Variants in HMCN1 observed in about 807,000 individuals in gnomAD.
The protein encoded by HMCN1 is hemicentin 1.
Under a neutral mutation model 625.9 loss-of-function variants are expected in HMCN1, and 321 were observed. The ratio of observed to expected loss-of-function variants is 0.51; its 90% CI spans 0.47 to 0.56. The LOEUF is 0.56. Among genes scored for constraint, HMCN1 ranks in the 20% least tolerant of loss-of-function variants. The probability of loss-of-function intolerance (pLI) is 0.00; values close to 1 mark genes in which losing one functional copy is unlikely to be tolerated. For synonymous variants in HMCN1, 2,425 were observed against 2,417.6 expected (o/e 1.00, Z -0.09); for missense variants, 6,588 against 6,887.3 (o/e 0.96, Z 1.54).
intron 6 of HMCN1, among the ~76,000 whole-genome samples, chr1:185,919,640 A>G (rs955652642): frequency 2.0e-5 from 3 of 152,282 alleles, no homozygotes; most frequent in African/African-American, 7.2e-5. Flanking sequence ...ATATTTCAAC[A>G]TTTACCCTCA....
chr1:185,921,136 T>C (rs1243358808), intron 6 of HMCN1, among the ~76,000 whole-genome samples: 2 of 152,084 alleles, frequency 1.3e-5, no homozygotes, highest in Non-Finnish European at 2.9e-5. Flanking sequence ...ATAAGGGTTG[T>C]ACTAAGATCC....
intron 11 of HMCN1, among the ~76,000 whole-genome samples, chr1:185,958,320 T>C (rs565600688): frequency 6.6e-6 from 1 of 152,280 alleles, no homozygotes; most frequent in South Asian, 2.1e-4. Context: ...GTTTTTGCCC[T>C]GTTACCCAGA....
rs763320924 is a variant in HMCN1, at chr1:185,742,654, CAAG to C, written c.268+7611_268+7613del. 3.9e-5 allele frequency among the ~76,000 whole-genome samples: 6 copies of C among 152,250 alleles called. No homozygotes were observed. The South Asian group carries it at 8.3e-4, about 21-fold the overall frequency. ...CTCTCTGTGCCTCTAGCACATCCTA[CAAG>C]AAGGAGGATTTTCATAAGCAAAATG... On this transcript the variant is annotated intron_variant, in intron 1 of 106. Transcript: ENST00000271588.
At chr1:185,762,887 G>A (rs1571317301) in intron 1 of HMCN1, among the ~76,000 whole-genome samples, 1 of 151,834 alleles carries the variant, frequency 6.6e-6, no homozygotes, top group African/African-American at 2.4e-5. Context: ...TTTTTCTTTT[G>A]TCCAATGCTA....
At chr1:186,079,021 T>C (rs1453392133) in intron 55 of HMCN1, among the ~76,000 whole-genome samples, 1 of 152,232 alleles carries the variant, frequency 6.6e-6, no homozygotes, top group Non-Finnish European at 1.5e-5. Flanking sequence ...CTGGCTTAAC[T>C]TGACCTTGTC....
chr1:185,818,804 C>T (rs61829884), intron 1 of HMCN1, among the ~76,000 whole-genome samples: 27,881 of 152,010 alleles, frequency 0.18, 3,361 homozygotes, highest in Non-Finnish European at 0.27. Flanking sequence ...AAAACTTATC[C>T]TAAATAAATC....
chr1:185,987,680 C>G, intron 20 of HMCN1, 136 bp downstream of exon 20: 1 of 733,742 alleles, frequency 1.4e-6, no homozygotes, highest in Non-Finnish European at 2.5e-6. Context: ...TCCTATGTGG[C>G]TGGACAGATG....
chr1:185,982,397 C>A lies in HMCN1; in HGVS notation c.2790+8C>A. ...ATTAAGAATTCAGCTATGGTAAGAA[C>A]ATTTTAAATGCATGCATTCACATTC... On this transcript the variant is annotated splice_region_variant and intron_variant, in intron 18 of 106. Coordinates refer to ENST00000271588, the MANE Select transcript of HMCN1 (RefSeq NM_031935.3). 1 of 1,602,088 alleles carries A rather than the reference C, an allele frequency of 6.2e-7. No homozygotes were observed. Among genetic ancestry groups the A allele is most frequent in the Non-Finnish European group, 8.5e-7 (1 of 1,169,922 alleles).
At chr1:186,126,524 G>A (rs1296160812) in intron 82 of HMCN1, among the ~76,000 whole-genome samples, 4 of 152,142 alleles carry the variant, frequency 2.6e-5, no homozygotes, top group African/African-American at 9.7e-5. Flanking sequence ...GAAGGTTACA[G>A]TTGTAAATAG....
At chr1:185,914,078 C>G (rs563450209) in intron 6 of HMCN1, among the ~76,000 whole-genome samples, 4 of 152,192 alleles carry the variant, frequency 2.6e-5, no homozygotes, top group African/African-American at 9.6e-5. Context: ...TACAGCATTT[C>G]TAGTGTAGGA....
chr1:185,970,196 A>G (rs923266204), intron 14 of HMCN1, 139 bp from the exon 15 acceptor site: 2 of 786,042 alleles, frequency 2.5e-6, no homozygotes, highest in African/African-American at 3.4e-5. Flanking sequence ...GACTGTAGAA[A>G]GTGTCTATGT....
intron 11 of HMCN1, among the ~76,000 whole-genome samples, chr1:185,941,984 G>A (rs1668102779): frequency 6.6e-6 from 1 of 152,008 alleles, no homozygotes; most frequent in Non-Finnish European, 1.5e-5. Context: ...TTGAAGTCAG[G>A]AGTTCGAGAC....
At chr1:185,904,288 C>G (rs1357663122) in intron 4 of HMCN1, among the ~76,000 whole-genome samples, 1 of 151,822 alleles carries the variant, frequency 6.6e-6, no homozygotes, top group Non-Finnish European at 1.5e-5. Context: ...GGGAATCTCT[C>G]TTAGCCAGGT....
chr1:186,144,300 A>G lies in HMCN1; in HGVS notation c.14052A>G (p.Gly4684=), dbSNP rs1178735884. 1 of 1,613,912 alleles carries G rather than the reference A, an allele frequency of 6.2e-7. No individual in the cohort carries two copies. Among genetic ancestry groups the G allele is most frequent in the African/African-American group, 1.3e-5 (1 of 74,912 alleles). ...PPAFGGSYCD[G]AETQMQVCNE... ...CGTTTGGTGGGTCCTACTGTGATGG[A>G]GCAGAAACACAGATGCAAGTTTGCA... Residue 4684 remains glycine (G), a synonymous_variant, in exon 90 of 107, where the codon GGA becomes GGG. Coordinates refer to ENST00000271588, the MANE Select transcript of HMCN1 (RefSeq NM_031935.3).
intron 1 of HMCN1, among the ~76,000 whole-genome samples, chr1:185,742,242 T>C (rs528597016): frequency 7.2e-5 from 11 of 152,146 alleles, no homozygotes; most frequent in Non-Finnish European, 1.5e-4. Context: ...CATTATAATA[T>C]AAAGAAAAAT....
intron 29 of HMCN1, among the ~76,000 whole-genome samples, chr1:186,005,737 C>T (rs1037272215): frequency 6.6e-6 from 1 of 152,112 alleles, no homozygotes; most frequent in Non-Finnish European, 1.5e-5. Context: ...CATCATAATG[C>T]TTACTTTTTT....
intron 1 of HMCN1, among the ~76,000 whole-genome samples, chr1:185,742,890 G>A (rs765526467): frequency 3.3e-5 from 5 of 152,146 alleles, no homozygotes; most frequent in Non-Finnish European, 7.4e-5. Flanking sequence ...AAAGTATAAG[G>A]ACCAAAGTTT....
chr1:186,047,145 C>T (rs143563301), intron 41 of HMCN1, among the ~76,000 whole-genome samples: 185 of 152,002 alleles, frequency 1.2e-3, no homozygotes, highest in African/African-American at 4.1e-3. Context: ...GAGTATGTTA[C>T]GGGCAAAGGA....
intron 65 of HMCN1, 64 bp from the exon 66 acceptor site, chr1:186,093,422 T>C: frequency 6.3e-7 from 1 of 1,588,458 alleles, no homozygotes; most frequent in Non-Finnish European, 8.6e-7. Flanking sequence ...GTAGTAGAAA[T>C]TATTTGAACT....
Sources: allele counts gnomAD v4.1 joint callset (sites outside exome capture counted in the v4.1 genomes callset), GRCh38; gene constraint gnomAD v4.1.1; transcripts MANE v1.5; gene names NCBI Gene and HGNC (gene_info 2026-07-23, HGNC 2026-07-21).